The following EFCAB13 variants were observed in gnomAD, a reference collection of about 807,000 sequenced individuals.
The protein encoded by EFCAB13 is EF-hand calcium binding domain 13.
Under a neutral mutation model 110.2 loss-of-function variants are expected in EFCAB13, and 91 were observed. The ratio of observed to expected loss-of-function variants is 0.83; its 90% CI spans 0.70 to 0.98. The LOEUF (loss-of-function observed/expected upper bound fraction) is 0.98. EFCAB13 is among the 50% of genes least tolerant of loss of function. The pLI is 0.00. For missense variants in EFCAB13, 968 were observed against 1,119.4 expected (o/e 0.86, Z 1.93); for synonymous variants, 323 against 369.9 (o/e 0.87, Z 1.45).
intron 23 of EFCAB13, among the ~76,000 whole-genome samples, chr17:47,427,886 T>C (rs2143513395): frequency 6.6e-6 from 1 of 152,138 alleles, no homozygotes; most frequent in African/African-American, 2.4e-5. Context: ...TTTTGTACGG[T>C]ACTTGCAACT....
chr17:47,398,042 C>T (rs369666965), intron 17 of EFCAB13, among the ~76,000 whole-genome samples: 4 of 141,384 alleles, frequency 2.8e-5, no homozygotes, highest in South Asian at 2.1e-4. Context: ...CCCGGCCAGC[C>T]GCTCCGTCCG....
chr17:47,418,737 A>G (rs927374023), intron 23 of EFCAB13, among the ~76,000 whole-genome samples: 1 of 152,188 alleles, frequency 6.6e-6, no homozygotes, highest in Non-Finnish European at 1.5e-5. Context: ...GTGGTGTGAG[A>G]TGACAGTCCA....
At chr17:47,397,510 T>C (rs1468396526) in intron 17 of EFCAB13, among the ~76,000 whole-genome samples, 6 of 143,050 alleles carry the variant, frequency 4.2e-5, no homozygotes, top group Non-Finnish European at 7.5e-5. Flanking sequence ...GCCTGGCTGC[T>C]CAGTCTGGAA....
intron 14 of EFCAB13, among the ~76,000 whole-genome samples, chr17:47,379,563 G>GT (rs1021126292): frequency 1.0e-3 from 36 of 35,546 alleles, no homozygotes; most frequent in Admixed American, 2.2e-3. Context: ...GATATGGTTT[G>GT]TTTTTTTTTT....
chr17:47,434,498 A>G (rs1036470654), intron 24 of EFCAB13, among the ~76,000 whole-genome samples: 1 of 152,148 alleles, frequency 6.6e-6, no homozygotes, highest in East Asian at 1.9e-4. Context: ...ATTCACTGCA[A>G]TTCCCATCAA....
At chr17:47,411,537 T>G (rs1057435583) in intron 21 of EFCAB13, among the ~76,000 whole-genome samples, 3 of 152,220 alleles carry the variant, frequency 2.0e-5, no homozygotes, top group Non-Finnish European at 4.4e-5. Flanking sequence ...TTTATAGATA[T>G]GACAGATTTA....
chr17:47,391,281 T>C (rs1277111697), intron 14 of EFCAB13, among the ~76,000 whole-genome samples, 156 bp from the exon 15 acceptor site: 1 of 152,212 alleles, frequency 6.6e-6, no homozygotes, highest in South Asian at 2.1e-4. Flanking sequence ...TACTTACTTT[T>C]TTTATTAAAG....
At chr17:47,414,530 T>C (rs1165068080) in intron 22 of EFCAB13, among the ~76,000 whole-genome samples, 1 of 139,900 alleles carries the variant, frequency 7.1e-6, no homozygotes, top group Non-Finnish European at 1.5e-5. Context: ...AAAAAAAAAA[T>C]AGGCATGCGA....
intron 5 of EFCAB13, among the ~76,000 whole-genome samples, chr17:47,337,763 A>G (rs1021897777): frequency 1.3e-5 from 2 of 152,206 alleles, no homozygotes; most frequent in African/African-American, 2.4e-5. Context: ...AGATGGGTTG[A>G]TTACAAAAGT....
Position 47,394,021 on chromosome 17 carries a change from G to A in EFCAB13, c.1727-4G>A, listed in dbSNP as rs772581222. The A allele has an allele frequency of 2.0e-6, 3 of 1,525,344 alleles. No homozygotes were observed. Among genetic ancestry groups the A allele is most frequent in the Admixed American group, 2.2e-5 (1 of 46,050 alleles). 94.5% of individuals were successfully genotyped at this position (1,525,344 alleles called of 1,614,324 possible). ...CCAAAAAAATGTGTTTCTTTTTCCT[G>A]TAGAAACAAAAAAAGTGAATTTTAA... On this transcript the variant is annotated splice_polypyrimidine_tract_variant and splice_region_variant and intron_variant, in intron 15 of 24. Coordinates refer to ENST00000331493, the MANE Select transcript of EFCAB13 (RefSeq NM_152347.5).
At chr17:47,381,900 A>G (rs1267454617) in intron 14 of EFCAB13, among the ~76,000 whole-genome samples, 3 of 152,162 alleles carry the variant, frequency 2.0e-5, no homozygotes, top group East Asian at 1.9e-4. Context: ...AAGAAAGTCA[A>G]TGGTAGCTTG....
intron 15 of EFCAB13, 111 bp from the exon 16 acceptor site, chr17:47,393,914 C>T (rs563512409): frequency 1.9e-6 from 1 of 540,190 alleles, no homozygotes; most frequent in Non-Finnish European, 3.1e-6. Flanking sequence ...TTAGTATTAC[C>T]TGATGGATAT....
At chr17:47,438,643 T>A (rs1211654758) in intron 24 of EFCAB13, among the ~76,000 whole-genome samples, 3 of 152,126 alleles carry the variant, frequency 2.0e-5, no homozygotes, top group African/African-American at 7.2e-5. Context: ...CAAAATTTCC[T>A]GAATTTTTGA....
intron 9 of EFCAB13, among the ~76,000 whole-genome samples, chr17:47,352,234 A>G (rs1372436642): frequency 6.6e-6 from 1 of 151,912 alleles, no homozygotes; most frequent in Non-Finnish European, 1.5e-5. Flanking sequence ...CAAGTATTAC[A>G]TTTAAGTTTA....
intron 24 of EFCAB13, among the ~76,000 whole-genome samples, chr17:47,433,641 G>A (rs1905160148): frequency 6.6e-6 from 1 of 152,086 alleles, no homozygotes; most frequent in African/African-American, 2.4e-5. Flanking sequence ...TTGTTCTAAT[G>A]TTGATTTTCT....
At chr17:47,414,811 G>A (rs925241515) in intron 22 of EFCAB13, 37 bp from the exon 23 acceptor site, 2 of 1,400,654 alleles carry the variant, frequency 1.4e-6, no homozygotes, top group Non-Finnish European at 2.0e-6. Context: ...TCAGTATCAG[G>A]TTTTTAATGT....
intron 2 of EFCAB13, among the ~76,000 whole-genome samples, chr17:47,325,951 TATATATATATAG>T (rs1200040754): frequency 2.0e-4 from 20 of 98,714 alleles, no homozygotes; most frequent in South Asian, 2.0e-3. Context: ...TATATATATA[TATATATATATAG>T]CATATATATA....
intron 22 of EFCAB13, 78 bp downstream of exon 22, chr17:47,412,994 G>T (rs1279972898): frequency 7.0e-7 from 1 of 1,434,400 alleles, no homozygotes; most frequent in East Asian, 2.3e-5. Context: ...TACCTATAAG[G>T]ATAAGATGCT....
intron 4 of EFCAB13, among the ~76,000 whole-genome samples, chr17:47,332,300 A>G (rs2065324008): frequency 6.6e-6 from 1 of 152,084 alleles, no homozygotes. Flanking sequence ...TAGATTGACA[A>G]ATAATAATTG....
Sources: allele counts gnomAD v4.1 joint callset (sites outside exome capture counted in the v4.1 genomes callset), GRCh38; gene constraint gnomAD v4.1.1; transcripts MANE v1.5; gene names NCBI Gene and HGNC (gene_info 2026-07-23, HGNC 2026-07-21).